Variants in SND1 observed in about 807,000 individuals in gnomAD.
The protein encoded by SND1 is staphylococcal nuclease and tudor domain containing 1, also known as staphylococcal nuclease domain-containing protein 1.
A neutral mutation model predicts 121.7 loss-of-function variants in SND1; 38 were observed. The ratio of observed to expected loss-of-function variants is 0.31; its 90% CI spans 0.24 to 0.41. SND1 has a LOEUF of 0.41. Among genes scored for constraint, SND1 ranks in the 10% least tolerant of loss-of-function variants. SND1 has a pLI of 1.00. For missense variants in SND1, 868 were observed against 1,184.6 expected (o/e 0.73, Z 3.92); for synonymous variants, 401 against 447.4 (o/e 0.90, Z 1.31).
chr7:127,882,409 A>T, intron 12 of SND1, among the ~76,000 whole-genome samples: 1 of 91,406 alleles, frequency 1.1e-5, no homozygotes, highest in Non-Finnish European at 2.2e-5. Context: ...GGAGGGACGG[A>T]GGAGAAAAGA....
chr7:127,793,764 G>A (rs975417709), intron 10 of SND1, among the ~76,000 whole-genome samples: 3 of 152,124 alleles, frequency 2.0e-5, no homozygotes, highest in Non-Finnish European at 4.4e-5. Flanking sequence ...AACAGCTACC[G>A]CAGTTATAGA....
intron 2 of SND1, chr7:127,687,135 A>C (rs1301525440): frequency 1.2e-5 from 2 of 165,112 alleles, no homozygotes; most frequent in African/African-American, 4.8e-5. Flanking sequence ...ATTCATTTAC[A>C]TTGTTCAGAA....
chr7:128,025,545 G>A (rs545531153), intron 16 of SND1, among the ~76,000 whole-genome samples: 2 of 152,244 alleles, frequency 1.3e-5, no homozygotes, highest in East Asian at 1.9e-4. Flanking sequence ...CTACCAACCC[G>A]TGTTCCATTC....
At chr7:127,682,136 TAAAC>T (rs928787624) in intron 1 of SND1, among the ~76,000 whole-genome samples, 8 of 152,216 alleles carry the variant, frequency 5.3e-5, no homozygotes, top group African/African-American at 1.2e-4. Context: ...GTTAAATAGT[TAAAC>T]AAACCAAGTC....
intron 2 of SND1, among the ~76,000 whole-genome samples, chr7:127,691,300 T>C (rs1249856371): frequency 2.0e-5 from 3 of 152,082 alleles, no homozygotes; most frequent in African/African-American, 7.2e-5. Flanking sequence ...GCCAGCACTT[T>C]GGGAGGCCGA....
intron 10 of SND1, among the ~76,000 whole-genome samples, chr7:127,759,944 T>C (rs1256296947): frequency 6.6e-6 from 1 of 152,152 alleles, no homozygotes; most frequent in Non-Finnish European, 1.5e-5. Context: ...TCTAGGAATG[T>C]ACCCTATAGT....
chr7:127,910,193 A>T (rs535097898), intron 14 of SND1, among the ~76,000 whole-genome samples: 3 of 152,122 alleles, frequency 2.0e-5, no homozygotes, highest in Non-Finnish European at 4.4e-5. Flanking sequence ...TAATCCCAGC[A>T]CTTTGGGAGG....
At chr7:127,843,597 ATAT>A (rs1391977595) in intron 11 of SND1, among the ~76,000 whole-genome samples, 7 of 152,196 alleles carry the variant, frequency 4.6e-5, no homozygotes, top group Admixed American at 3.9e-4. Context: ...TCACTGAATA[ATAT>A]TCTGTCATCT....
chr7:127,863,198 A>AT (rs1279384311), intron 12 of SND1, among the ~76,000 whole-genome samples: 1 of 152,126 alleles, frequency 6.6e-6, no homozygotes, highest in East Asian at 1.9e-4. Flanking sequence ...GTAGTAATTC[A>AT]TTTTTTCCCC....
chr7:127,812,756 T>C (rs1584591499), intron 11 of SND1, among the ~76,000 whole-genome samples: 1 of 152,212 alleles, frequency 6.6e-6, no homozygotes, highest in Admixed American at 6.5e-5. Context: ...GACTCCACCC[T>C]TCTCCCTGGC....
chr7:127,901,709 G>T (rs1156314095), intron 13 of SND1, among the ~76,000 whole-genome samples: 1 of 152,040 alleles, frequency 6.6e-6, no homozygotes, highest in Non-Finnish European at 1.5e-5. Context: ...ACAAAATAAG[G>T]GCTACTTCTC....
chr7:128,033,315 G>T (rs1222518838), intron 16 of SND1, among the ~76,000 whole-genome samples: 1 of 152,162 alleles, frequency 6.6e-6, no homozygotes, highest in Non-Finnish European at 1.5e-5. Context: ...GACTGTGGGT[G>T]AGGCAATCTA....
intron 15 of SND1, among the ~76,000 whole-genome samples, chr7:127,946,810 T>C (rs1368566021): frequency 6.6e-6 from 1 of 152,186 alleles, no homozygotes; most frequent in Non-Finnish European, 1.5e-5. Flanking sequence ...TTGATATAAT[T>C]TTACACTTAC....
At chr7:127,936,671 G>A (rs569259766) in intron 15 of SND1, among the ~76,000 whole-genome samples, 1 of 152,066 alleles carries the variant, frequency 6.6e-6, no homozygotes, top group South Asian at 2.1e-4. Context: ...CAGATCCTGA[G>A]TATCTGAGAC....
At chr7:127,865,500 T>A (rs1206667699) in intron 12 of SND1, among the ~76,000 whole-genome samples, 1 of 152,212 alleles carries the variant, frequency 6.6e-6, no homozygotes, top group Non-Finnish European at 1.5e-5. Flanking sequence ...TTATCTTTGG[T>A]ACAAGATTAA....
intron 12 of SND1, chr7:127,857,811 G>C: frequency 1.2e-6 from 1 of 806,194 alleles, no homozygotes; most frequent in Admixed American, 1.8e-5. Flanking sequence ...CAAAGTTCAG[G>C]AAAGAAGGGC....
chr7:127,726,274 A>T (rs1318688914), intron 10 of SND1, among the ~76,000 whole-genome samples: 2 of 152,086 alleles, frequency 1.3e-5, no homozygotes, highest in Non-Finnish European at 2.9e-5. Flanking sequence ...AAAAGGAGGG[A>T]TGTGCAATAT....
At chr7:127,947,915 A>G (rs1801367248) in intron 15 of SND1, among the ~76,000 whole-genome samples, 1 of 152,120 alleles carries the variant, frequency 6.6e-6, no homozygotes, top group African/African-American at 2.4e-5. Flanking sequence ...TTGTGCCAAT[A>G]ATGACCCCAC....
chr7:128,043,975 C>G (rs114930801), intron 16 of SND1, among the ~76,000 whole-genome samples: 17 of 151,956 alleles, frequency 1.1e-4, no homozygotes, highest in African/African-American at 4.1e-4. Flanking sequence ...ATTTTAGAAG[C>G]CTTTAGAAGA....
Sources: allele counts gnomAD v4.1 joint callset (sites outside exome capture counted in the v4.1 genomes callset), GRCh38; gene constraint gnomAD v4.1.1; transcripts MANE v1.5; gene names NCBI Gene and HGNC (gene_info 2026-07-23, HGNC 2026-07-21).